The following CEP128 variants were observed in gnomAD, a reference collection of about 807,000 sequenced individuals.
CEP128 encodes centrosomal protein 128, also known as centrosomal protein 128kDa.
A neutral mutation model predicts 156.7 loss-of-function variants in CEP128; 132 were observed. The observed-to-expected ratio is 0.84, with a 90% CI of 0.73 to 0.97. The LOEUF (loss-of-function observed/expected upper bound fraction) is 0.97, where lower values mean the gene tolerates loss of function less well. Ranked by LOEUF, CEP128 falls within the 50% of genes least tolerant of loss-of-function variation. CEP128 has a pLI of 0.00. For missense variants in CEP128, 1,252 were observed against 1,281.9 expected (o/e 0.98, Z 0.36); for synonymous variants, 469 against 448.9 (o/e 1.04, Z -0.57).
chr14:80,867,489 A>G (rs1307099434), intron 8 of CEP128, among the ~76,000 whole-genome samples: 3 of 152,216 alleles, frequency 2.0e-5, no homozygotes. Flanking sequence ...AAATCAGAAA[A>G]TTGTTGCATG....
At chr14:80,578,350 C>T (rs1405155808) in intron 20 of CEP128, among the ~76,000 whole-genome samples, 7 of 151,918 alleles carry the variant, frequency 4.6e-5, no homozygotes, top group Non-Finnish European at 1.0e-4. Flanking sequence ...AATAAAATAC[C>T]CCCTACCCCT....
chr14:80,865,436 T>C (rs1402008051), intron 8 of CEP128, among the ~76,000 whole-genome samples: 1 of 152,198 alleles, frequency 6.6e-6, no homozygotes, highest in African/African-American at 2.4e-5. Flanking sequence ...TGATTTCCTT[T>C]GGATATGTAT....
intron 14 of CEP128, among the ~76,000 whole-genome samples, chr14:80,478,933 G>A (rs1389183382): frequency 6.6e-6 from 1 of 152,148 alleles, no homozygotes; most frequent in Non-Finnish European, 1.5e-5. Context: ...GTGATTTGTT[G>A]CTGATTAATA....
Position 80,729,058 on chromosome 14 carries a change from G to GTGTGTGTGTGTGTGTGTGTGTGT in CEP128, c.2806+14016_2806+14017insACACACACACACACACACACACA, listed in dbSNP as rs1344457542. Among the ~76,000 whole-genome samples the GTGTGTGTGTGTGTGTGTGTGTGT allele has an allele frequency of 2.6e-3, 273 of 105,050 alleles. 30 individuals are homozygous for GTGTGTGTGTGTGTGTGTGTGTGT. The highest frequency in any genetic ancestry group is 0.011 in the East Asian group (35 of 3,200). 68.9% of individuals were successfully genotyped at this position (105,050 alleles called of 152,430 possible). ...CCTAGTCCCAGGCTGGGCTGGTGGG[G>GTGTGTGTGTGTGTGTGTGTGTGT]GTGTGTGTGTGTGTGTGTGTGTGTG... On this transcript the variant is annotated intron_variant, in intron 19 of 24. Coordinates refer to ENST00000555265, the MANE Select transcript of CEP128 (RefSeq NM_152446.5).
chr14:80,649,289 T>C (rs1865136651), intron 19 of CEP128, among the ~76,000 whole-genome samples: 1 of 152,020 alleles, frequency 6.6e-6, no homozygotes. Flanking sequence ...CACAAAGAAG[T>C]GCATGTGCTA....
chr14:80,629,857 G>A (rs1672639478), intron 19 of CEP128, among the ~76,000 whole-genome samples: 1 of 151,760 alleles, frequency 6.6e-6, no homozygotes. Flanking sequence ...TAGGTGCCCT[G>A]GTAACAAAAC....
At chr14:80,732,363 G>C (rs1396430077) in intron 19 of CEP128, among the ~76,000 whole-genome samples, 1 of 152,036 alleles carries the variant, frequency 6.6e-6, no homozygotes, top group Non-Finnish European at 1.5e-5. Context: ...TAACAAAATT[G>C]AACTTTATTT....
chr14:80,527,352 C>G, intron 22 of CEP128: 1 of 323,622 alleles, frequency 3.1e-6, no homozygotes, highest in Non-Finnish European at 6.4e-6. Flanking sequence ...ATGAGGATTG[C>G]TTGAGCCCAG....
At chr14:80,729,058 G>GGGGTGT (rs1898141728) in intron 19 of CEP128, among the ~76,000 whole-genome samples, 16 of 105,026 alleles carry the variant, frequency 1.5e-4, no homozygotes, top group South Asian at 3.1e-4. Context: ...GGCTGGTGGG[G>GGGGTGT]GTGTGTGTGT....
chr14:80,491,421 A>T (rs900568922), intron 6 of CEP128, among the ~76,000 whole-genome samples: 2 of 152,104 alleles, frequency 1.3e-5, no homozygotes, highest in South Asian at 2.1e-4. Flanking sequence ...GAGGGGGGGA[A>T]AAAGAAAGAA....
At position 80,862,764 on chromosome 14, in the gene CEP128, AG is replaced by A. The variant is rs1198755706; in HGVS notation, c.754del (p.Leu252TyrfsTer5). 1 of 1,602,662 alleles carries A rather than the reference AG, an allele frequency of 6.2e-7. No homozygotes were observed. Among genetic ancestry groups the A allele is most frequent in the East Asian group, 2.2e-5 (1 of 44,832 alleles). ...QDQLGLMSLQLQEALKKQEAK... is the reference protein window; with the variant it reads ...QDQLGLMSLQXQEALKKQEAK... ...AAAGTGTTTTTCACAAACCTCCTGT[AG>A]CTGCAGGGACATGAGTCCCAGTTGA... On this transcript the variant is annotated frameshift_variant, in exon 9 of 25. Coordinates refer to ENST00000555265, the MANE Select transcript of CEP128 (RefSeq NM_152446.5). LOFTEE classifies it high-confidence loss of function.
chr14:80,897,211 G>A (rs562431011), intron 7 of CEP128, among the ~76,000 whole-genome samples: 403 of 152,252 alleles, frequency 2.6e-3, no homozygotes, highest in Non-Finnish European at 4.9e-3. Context: ...CTTGGCTTTT[G>A]TGGTTCTATG....
At chr14:80,943,691 C>CA (rs935181958), upstream of CEP128, among the ~76,000 whole-genome samples, 1 of 152,024 alleles carries the variant, frequency 6.6e-6, no homozygotes, top group African/African-American at 2.4e-5. Flanking sequence ...CGTGGCATCC[C>CA]AAAAAAATGT....
intron 1 of CEP128, among the ~76,000 whole-genome samples, chr14:80,958,878 G>A (rs1315655881): frequency 1.3e-5 from 2 of 152,060 alleles, no homozygotes; most frequent in Admixed American, 6.5e-5. Flanking sequence ...GCTTACACTG[G>A]TTTAAAATGT....
At chr14:80,694,102 T>A (rs1418855320) in intron 19 of CEP128, among the ~76,000 whole-genome samples, 2 of 152,120 alleles carry the variant, frequency 1.3e-5, no homozygotes, top group Non-Finnish European at 2.9e-5. Flanking sequence ...GTGAAGGATA[T>A]GAACAGACAC....
At chr14:80,935,212 A>G (rs1442873023) in intron 2 of CEP128, among the ~76,000 whole-genome samples, 1 of 152,186 alleles carries the variant, frequency 6.6e-6, no homozygotes, top group Non-Finnish European at 1.5e-5. Flanking sequence ...CAGGTATACC[A>G]ATGAGTAAAG....
chr14:80,490,905 CTTG>C (rs72037903), intron 6 of CEP128, among the ~76,000 whole-genome samples: 71,688 of 151,734 alleles, frequency 0.47, 18,134 homozygotes, highest in East Asian at 0.69. Flanking sequence ...ATCTGGAGGA[CTTG>C]TTGTAACACA....
intron 18 of CEP128, among the ~76,000 whole-genome samples, chr14:80,743,966 G>A (rs1052400507): frequency 6.6e-6 from 1 of 151,404 alleles, no homozygotes; most frequent in African/African-American, 2.4e-5. Flanking sequence ...TGACTTCCTG[G>A]GCTCAAGCAA....
At chr14:80,850,249 C>G (rs1886821927) in intron 9 of CEP128, among the ~76,000 whole-genome samples, 1 of 152,072 alleles carries the variant, frequency 6.6e-6, no homozygotes, top group Admixed American at 6.6e-5. Flanking sequence ...TAATAACAGA[C>G]AGTTAATTAG....
Sources: allele counts gnomAD v4.1 joint callset (sites outside exome capture counted in the v4.1 genomes callset), GRCh38; gene constraint gnomAD v4.1.1; transcripts MANE v1.5; gene names NCBI Gene and HGNC (gene_info 2026-07-23, HGNC 2026-07-21).